The following AR variants were observed in gnomAD, a reference collection of about 807,000 sequenced individuals.
AR encodes the protein dihydrotestosterone receptor.
AR carries 8 observed loss-of-function variants against 53.9 expected under a neutral mutation model. That is an observed-to-expected ratio of 0.15 (90% CI 0.09 to 0.27). The LOEUF (loss-of-function observed/expected upper bound fraction) is 0.27, where lower values mean the gene tolerates loss of function less well. AR is among the 10% of genes least tolerant of loss of function. The probability of loss-of-function intolerance (pLI) is 1.00; values close to 1 mark genes in which losing one functional copy is unlikely to be tolerated. For missense variants in AR, 639 were observed against 742.5 expected (o/e 0.86, Z 1.62); for synonymous variants, 359 against 316.4 (o/e 1.13, Z -1.43).
chrX:67,715,609 G>GA (rs1444874720), intron 4 of AR, among the ~76,000 whole-genome samples: 1 of 111,821 alleles, frequency 8.9e-6, no homozygotes, highest in Non-Finnish European at 1.9e-5. Flanking sequence ...TAGTGGAGTA[G>GA]AAAAAACACT....
At position 67,719,984 on chromosome X, in the gene AR, G is replaced by A. The variant is rs564385877; in HGVS notation, c.2319-1849G>A. On this transcript the variant is annotated intron_variant, in intron 5 of 7. Coordinates refer to ENST00000374690, the MANE Select transcript of AR (RefSeq NM_000044.6). The stretch of plus-strand genomic sequence containing the variant: ...TCTTTGTAGAGATCACATGTTGTGA[G>A]GATAATGAGCTTGAACCTTAGCTGT... Among the ~76,000 whole-genome samples, 40 of 112,253 alleles carry A rather than the reference G, an allele frequency of 3.6e-4. No individual in the cohort carries two copies. In the South Asian group the frequency reaches 0.014, roughly 39 times the overall value.
intron 3 of AR, among the ~76,000 whole-genome samples, chrX:67,708,549 C>A (rs2076079264): frequency 2.7e-5 from 3 of 111,530 alleles, no homozygotes; most frequent in Middle Eastern, 9.1e-3. Context: ...TTCGTCTAAT[C>A]TTTTTTCAAG....
At chrX:67,604,081 G>T (rs1013331457) in intron 1 of AR, among the ~76,000 whole-genome samples, 1 of 110,508 alleles carries the variant, frequency 9.0e-6, no homozygotes, top group Non-Finnish European at 1.9e-5. Context: ...TTCTGAGAGG[G>T]TGGGTAACAG....
In AR at chrX:67,730,507, C is replaced by T. The variant is rs1372648731; in HGVS notation, c.*6666C>T. The T allele has an allele frequency of 5.8e-6, 1 of 171,715 alleles. No homozygotes were observed. The highest frequency in any genetic ancestry group is 1.1e-5 in the Non-Finnish European group (1 of 90,043). 14.2% of individuals were successfully genotyped at this position (171,715 alleles called of 1,213,427 possible). On this transcript the variant is annotated 3_prime_UTR_variant, in exon 8 of 8. Coordinates refer to ENST00000374690, the MANE Select transcript of AR (RefSeq NM_000044.6). The stretch of plus-strand genomic sequence containing the variant: ...GCCAGCTAAAACTTGGCCACATCCC[C>T]TGTTATGGCTGCAGGATCGAGTTAT...
chrX:67,635,415 A>G (rs1040572679), intron 1 of AR, among the ~76,000 whole-genome samples: 5 of 111,595 alleles, frequency 4.5e-5, no homozygotes, highest in Non-Finnish European at 7.5e-5. Context: ...CTTGCTAACA[A>G]ATAAAACTGG....
In AR at chrX:67,590,393, TA is replaced by T. The variant is rs1922772353; in HGVS notation, c.1616+43633del. ...GGGGTCAAGGCCTGGCTACACCTTT[TA>T]ATGATTTCAGTCATGTGACTTAACC... On this transcript the variant is annotated intron_variant, in intron 1 of 7. Coordinates refer to ENST00000374690, the MANE Select transcript of AR (RefSeq NM_000044.6). Among the ~76,000 whole-genome samples, 3 of 111,973 alleles carry T rather than the reference TA, an allele frequency of 2.7e-5. No homozygotes were observed. The South Asian group carries it at 1.1e-3, about 43-fold the overall frequency.
At chrX:67,672,419 T>TTTTCCTTC (rs2075871334) in intron 2 of AR, among the ~76,000 whole-genome samples, 1 of 111,353 alleles carries the variant, frequency 9.0e-6, no homozygotes, top group Non-Finnish European at 1.9e-5. Flanking sequence ...TCTCTTCCTT[T>TTTTCCTTC]TTTCCTTCTT....
intron 1 of AR, among the ~76,000 whole-genome samples, chrX:67,607,209 A>G (rs899649302): frequency 4.5e-5 from 5 of 110,885 alleles, no homozygotes; most frequent in Non-Finnish European, 9.4e-5. Flanking sequence ...TTGTATTTTT[A>G]GTAGAAACAG....
rs908163350 is a variant in AR, at chrX:67,725,062, AC to A, written c.*1222del. ...AGACCTGAATGAAGTTTTCTGCCAAACTCCGTGAAGCCACAAGCACCTTATG... is the reference window on the plus strand; with the variant it reads ...AGACCTGAATGAAGTTTTCTGCCAAATCCGTGAAGCCACAAGCACCTTATG... On this transcript the variant is annotated 3_prime_UTR_variant, in exon 8 of 8. Coordinates refer to ENST00000374690, the MANE Select transcript of AR (RefSeq NM_000044.6). 6 of 173,639 alleles carry A rather than the reference AC, an allele frequency of 3.5e-5. No homozygotes were observed. Among genetic ancestry groups the A allele is most frequent in the Non-Finnish European group, 6.6e-5 (6 of 91,321 alleles). The allele number at this position is 173,639 out of a possible 1,213,427, so 14.3% of individuals were successfully genotyped here. A position where few individuals can be genotyped will look rare whatever the true frequency, so the allele number is the denominator to read the frequency against.
chrX:67,672,965 T>A, intron 2 of AR, among the ~76,000 whole-genome samples: 1 of 111,629 alleles, frequency 9.0e-6, no homozygotes, highest in East Asian at 2.8e-4. Flanking sequence ...CCTTCAGCTC[T>A]TGTTGATCTG....
At chrX:67,570,503 G>A (rs995578707) in intron 1 of AR, among the ~76,000 whole-genome samples, 1 of 111,900 alleles carries the variant, frequency 8.9e-6, no homozygotes, top group Non-Finnish European at 1.9e-5. Flanking sequence ...ACACTTGTGT[G>A]TAGAGAATCC....
At position 67,724,665 on chromosome X, in the gene AR, A is replaced by T; in HGVS notation, c.*824A>T. The stretch of plus-strand genomic sequence containing the variant: ...CTGCTCAACTGTGGAGCAATTCATT[A>T]TACTGAAAATGTGCTTGTTGTTGAA... On this transcript the variant is annotated 3_prime_UTR_variant, in exon 8 of 8. Coordinates refer to ENST00000374690, the MANE Select transcript of AR (RefSeq NM_000044.6). 5.7e-6 allele frequency: 1 copy of T among 175,767 alleles called. No homozygotes were observed. The highest frequency in any genetic ancestry group is 1.1e-5 in the Non-Finnish European group (1 of 91,809). The allele number at this position is 175,767 out of a possible 1,213,427, so 14.5% of individuals were successfully genotyped here. A position where few individuals can be genotyped will look rare whatever the true frequency, so the allele number is the denominator to read the frequency against.
intron 1 of AR, among the ~76,000 whole-genome samples, chrX:67,583,196 G>T (rs1602170961): frequency 8.9e-6 from 1 of 112,161 alleles, no homozygotes; most frequent in African/African-American, 3.2e-5. Context: ...GGGAGAGTAA[G>T]ATAACTACTT....
At chrX:67,646,368 A>T (rs2147441136) in intron 2 of AR, among the ~76,000 whole-genome samples, 1 of 110,938 alleles carries the variant, frequency 9.0e-6, no homozygotes, top group African/African-American at 3.3e-5. Flanking sequence ...CTGCATAGAA[A>T]AAAGGGTGCG....
chrX:67,625,959 G>C (rs777448662), intron 1 of AR, among the ~76,000 whole-genome samples: 1 of 111,100 alleles, frequency 9.0e-6, no homozygotes, highest in African/African-American at 3.3e-5. Flanking sequence ...CAAAGTAGGT[G>C]TGTATATTTA....
At chrX:67,691,396 T>G (rs959614849) in intron 3 of AR, among the ~76,000 whole-genome samples, 2 of 112,031 alleles carry the variant, frequency 1.8e-5, no homozygotes, top group African/African-American at 6.5e-5. Context: ...ATGATTTCTA[T>G]TGTCAAATAA....
intron 2 of AR, among the ~76,000 whole-genome samples, chrX:67,674,211 C>T (rs745865194): frequency 6.4e-5 from 7 of 108,904 alleles, no homozygotes; most frequent in African/African-American, 1.7e-4. Flanking sequence ...CATTCTCTGC[C>T]GACCTGCCTG....
chrX:67,594,088 G>A (rs1249694143), intron 1 of AR, among the ~76,000 whole-genome samples: 1 of 111,806 alleles, frequency 8.9e-6, no homozygotes, highest in Non-Finnish European at 1.9e-5. Context: ...TCGATCTCCT[G>A]GTTCAAGTGA....
At chrX:67,598,201 T>C (rs1321527818) in intron 1 of AR, among the ~76,000 whole-genome samples, 1 of 111,300 alleles carries the variant, frequency 9.0e-6, no homozygotes, top group African/African-American at 3.3e-5. Flanking sequence ...GAGTGAGCCA[T>C]TGAGGCAACA....
Sources: gnomAD v4.1 joint callset for allele counts (sites outside exome capture counted in the v4.1 genomes callset) on GRCh38, gnomAD v4.1.1 for gene constraint, MANE v1.5 for transcripts, NCBI Gene and HGNC (gene_info 2026-07-23, HGNC 2026-07-21) for gene names.